Variants in NCAM1 observed in about 807,000 individuals in gnomAD.
NCAM1 encodes the protein neural cell adhesion molecule 1, also known as antigen recognized by monoclonal antibody 5.1H11.
NCAM1 carries 14 observed loss-of-function variants against 109.8 expected under a neutral mutation model. That is an observed-to-expected ratio of 0.13 (90% CI 0.08 to 0.20). The LOEUF (loss-of-function observed/expected upper bound fraction) is 0.20, where lower values mean the gene tolerates loss of function less well. Ranked by LOEUF, NCAM1 falls within the 10% of genes least tolerant of loss-of-function variation. The probability of loss-of-function intolerance (pLI) is 1.00; values close to 1 mark genes in which losing one functional copy is unlikely to be tolerated. For synonymous variants in NCAM1, 418 were observed against 442.9 expected, an observed-to-expected ratio of 0.94 and a Z score of 0.70; for missense variants, 774 against 1,109.9, an observed-to-expected ratio of 0.70 and a Z score of 4.30.
At chr11:112,983,784 TTAAC>T (rs1435647291) in intron 1 of NCAM1, among the ~76,000 whole-genome samples, 2 of 152,040 alleles carry the variant, frequency 1.3e-5, no homozygotes, top group Non-Finnish European at 2.9e-5. Flanking sequence ...ATTTAAGGTG[TTAAC>T]TATGATGTTT....
chr11:112,981,499 G>A (rs1391043673), intron 1 of NCAM1, among the ~76,000 whole-genome samples: 3 of 151,838 alleles, frequency 2.0e-5, no homozygotes, highest in Admixed American at 2.0e-4. Context: ...ACACCACATT[G>A]CTTTTCTAGA....
chr11:113,198,179 A>G (rs1035383247), intron 1 of NCAM1, among the ~76,000 whole-genome samples: 10 of 152,170 alleles, frequency 6.6e-5, no homozygotes, highest in Non-Finnish European at 1.5e-5. Context: ...GGGATAGAAT[A>G]GTGTGGGAGA....
At chr11:112,977,573 T>C (rs1348989985) in intron 1 of NCAM1, among the ~76,000 whole-genome samples, 2 of 151,872 alleles carry the variant, frequency 1.3e-5, no homozygotes, top group African/African-American at 4.8e-5. Context: ...ATGAGTTTCC[T>C]AGATTTGGAA....
At chr11:112,997,877 T>C (rs1555071680) in intron 1 of NCAM1, among the ~76,000 whole-genome samples, 7 of 152,236 alleles carry the variant, frequency 4.6e-5, no homozygotes, top group Admixed American at 2.0e-4. Context: ...TATTTTGTTC[T>C]CTTCTTATGA....
intron 16 of NCAM1, among the ~76,000 whole-genome samples, chr11:113,259,715 T>C (rs1166314290): frequency 6.7e-6 from 1 of 149,810 alleles, no homozygotes; most frequent in African/African-American, 2.5e-5. Flanking sequence ...TTTTTTTTTT[T>C]TTTTTGGAGA....
chr11:113,132,644 G>GTA (rs1941441522), intron 1 of NCAM1, among the ~76,000 whole-genome samples: 2 of 149,746 alleles, frequency 1.3e-5, no homozygotes, highest in African/African-American at 4.9e-5. Context: ...GTGTGTGTGT[G>GTA]TGTGTGTCAG....
intron 1 of NCAM1, among the ~76,000 whole-genome samples, chr11:113,187,092 G>A (rs1481136607): frequency 6.6e-6 from 1 of 152,202 alleles, no homozygotes; most frequent in African/African-American, 2.4e-5. Context: ...GAGTTCCCCA[G>A]GTAAGGAGAA....
intron 18 of NCAM1, 24 bp downstream of exon 18, chr11:113,270,419 GCTGAGGTTT>G (rs782236772): frequency 6.2e-7 from 1 of 1,612,244 alleles, no homozygotes. Flanking sequence ...TGTCCACCTT[GCTGAGGTTT>G]GGGCTCTGCT....
chr11:113,266,723 G>C (rs782366467), intron 17 of NCAM1, among the ~76,000 whole-genome samples: 1 of 152,158 alleles, frequency 6.6e-6, no homozygotes, highest in Non-Finnish European at 1.5e-5. Flanking sequence ...GAGTTTAAAG[G>C]TATTTGTCAT....
At chr11:113,005,333 T>C (rs1161579349) in intron 1 of NCAM1, among the ~76,000 whole-genome samples, 1 of 152,180 alleles carries the variant, frequency 6.6e-6, no homozygotes, top group Non-Finnish European at 1.5e-5. Context: ...GGCTGAGACT[T>C]ACTGAATGAT....
chr11:113,109,339 C>T (rs1171090102), intron 1 of NCAM1, among the ~76,000 whole-genome samples: 4 of 139,770 alleles, frequency 2.9e-5, no homozygotes, highest in Admixed American at 7.4e-5. Flanking sequence ...CAGAGCGAGA[C>T]TCTGTCTCAA....
chr11:113,206,315 T>G, intron 5 of NCAM1, 135 bp downstream of exon 5: 19 of 701,704 alleles, frequency 2.7e-5, no homozygotes, highest in Non-Finnish European at 3.4e-5. Flanking sequence ...CTAAATCCCC[T>G]CCCCACCGTA....
At chr11:113,086,900 G>T (rs1939116754) in intron 1 of NCAM1, among the ~76,000 whole-genome samples, 1 of 152,102 alleles carries the variant, frequency 6.6e-6, no homozygotes. Flanking sequence ...TTTTATTTTT[G>T]ATTATCTGAA....
chr11:113,192,625 C>T (rs553542355), intron 1 of NCAM1, among the ~76,000 whole-genome samples: 29 of 152,124 alleles, frequency 1.9e-4, no homozygotes, highest in Non-Finnish European at 3.7e-4. Flanking sequence ...CAGGTGAGAC[C>T]GGGACAGAGC....
rs1555113661 is a variant in NCAM1 at position 113,211,660 on chromosome 11, C to T, written c.917-2709C>T. 2.6e-5 allele frequency among the ~76,000 whole-genome samples: 4 copies of T among 152,294 alleles called. No individual in the cohort carries two copies. In the East Asian group the frequency reaches 7.7e-4, roughly 29 times the overall value. On this transcript the variant is annotated intron_variant, in intron 7 of 19. Transcript: ENST00000316851. ...GGAAAGTTCTCCAGTGGCCAGGAGC[C>T]CTGTGTCTCAAGCAGCCCCTGAGGG... is the stretch of plus-strand genomic sequence containing the variant.
At position 113,158,033 on chromosome 11, in the gene NCAM1, C is replaced by G. The variant is rs116088205; in HGVS notation, c.53-44346C>G. ...GTTGCAATGTGGAATCTGAAATCAT[C>G]TATTGGTCATTTAGAAAATATTGGT... On this transcript the variant is annotated intron_variant, in intron 1 of 19. Coordinates refer to ENST00000316851, the MANE Select transcript of NCAM1 (RefSeq NM_181351.5). Among the ~76,000 whole-genome samples the G allele has an allele frequency of 4.1e-3, 629 of 152,168 alleles. 3 individuals carry two copies. The highest frequency in any genetic ancestry group is 0.014 in the African/African-American group (597 of 41,512).
chr11:113,074,033 A>G (rs1011665974), intron 1 of NCAM1, among the ~76,000 whole-genome samples: 3 of 152,174 alleles, frequency 2.0e-5, no homozygotes, highest in Admixed American at 1.3e-4. Context: ...TGAAATTTAG[A>G]AGGAGAAACA....
intron 1 of NCAM1, among the ~76,000 whole-genome samples, chr11:112,996,813 C>T (rs2134911496): frequency 6.6e-6 from 1 of 152,294 alleles, no homozygotes; most frequent in Non-Finnish European, 1.5e-5. Flanking sequence ...AGTTGGAATG[C>T]AGGATAACAA....
At chr11:113,270,842 C>A (rs1197321993) in intron 18 of NCAM1, among the ~76,000 whole-genome samples, 1 of 152,150 alleles carries the variant, frequency 6.6e-6, no homozygotes, top group African/African-American at 2.4e-5. Context: ...CACATAGGTA[C>A]AACAGGGAAC....
Sources: allele counts gnomAD v4.1 joint callset (sites outside exome capture counted in the v4.1 genomes callset), GRCh38; gene constraint gnomAD v4.1.1; transcripts MANE v1.5; gene names NCBI Gene and HGNC (gene_info 2026-07-23, HGNC 2026-07-21).